Variants in ARNT2 observed in about 807,000 individuals in gnomAD.
The protein encoded by ARNT2 is ARNT protein 2.
ARNT2 carries 36 observed loss-of-function variants against 91.7 expected under a neutral mutation model. That is an observed-to-expected ratio of 0.39 (90% confidence interval 0.30 to 0.52). ARNT2 has a LOEUF of 0.52. Among genes scored for constraint, ARNT2 ranks in the 20% least tolerant of loss-of-function variants. The probability of loss-of-function intolerance (pLI) is 0.72; values close to 1 mark genes in which losing one functional copy is unlikely to be tolerated. For missense variants in ARNT2, 775 were observed against 939.3 expected, an observed-to-expected ratio of 0.83 and a Z score of 2.29; for synonymous variants, 365 against 347.1, an observed-to-expected ratio of 1.05 and a Z score of -0.57.
intron 5 of ARNT2, among the ~76,000 whole-genome samples, chr15:80,489,599 C>G (rs1012094362): frequency 6.6e-6 from 1 of 152,234 alleles, no homozygotes; most frequent in African/African-American, 2.4e-5. Context: ...TTCTACAGCT[C>G]TCTCCATAAT....
At chr15:80,496,727 T>G (rs1897130081) in intron 5 of ARNT2, among the ~76,000 whole-genome samples, 1 of 152,206 alleles carries the variant, frequency 6.6e-6, no homozygotes, top group Non-Finnish European at 1.5e-5. Flanking sequence ...TTGCTTAGGA[T>G]TCCTACTGCC....
rs1016269716 is a variant in ARNT2, at chr15:80,518,311, T to C, written c.877+3906T>C. On this transcript the variant is annotated intron_variant, in intron 8 of 18. Coordinates refer to ENST00000303329, the MANE Select transcript of ARNT2 (RefSeq NM_014862.4). ...TTTTTTTTTTTTTTGAGATGGAGTC[T>C]CGCACTGTCACCAGGCTGGAGTGCA... Among the ~76,000 whole-genome samples, 18 of 132,560 alleles carry C rather than the reference T, an allele frequency of 1.4e-4. No individual in the cohort carries two copies. In the Admixed American group the frequency reaches 1.4e-3, roughly 10 times the overall value. The allele number at this position is 132,560 out of a possible 152,430, so 87.0% of individuals were successfully genotyped here.
At chr15:80,437,045 C>T (rs1048059943) in intron 1 of ARNT2, among the ~76,000 whole-genome samples, 6 of 152,026 alleles carry the variant, frequency 3.9e-5, no homozygotes, top group African/African-American at 1.5e-4. Flanking sequence ...CACAGCTTGT[C>T]CTGGCTGTTT....
chr15:80,550,599 C>A (rs771471418), intron 8 of ARNT2, among the ~76,000 whole-genome samples: 1 of 152,204 alleles, frequency 6.6e-6, no homozygotes, highest in Non-Finnish European at 1.5e-5. Context: ...TGTTTTCTAA[C>A]CCCTGTGAAG....
intron 9 of ARNT2, 81 bp from the exon 10 acceptor site, chr15:80,552,559 G>A (rs1898099488): frequency 1.3e-6 from 2 of 1,514,138 alleles, no homozygotes; most frequent in African/African-American, 1.4e-5. Flanking sequence ...AAATGCACAT[G>A]GATTATTCTT....
chr15:80,485,562 G>A (rs1755771820), intron 5 of ARNT2, among the ~76,000 whole-genome samples: 1 of 152,170 alleles, frequency 6.6e-6, no homozygotes, highest in African/African-American at 2.4e-5. Flanking sequence ...AGGGCAACAA[G>A]AACAAACAAT....
In ARNT2 at chr15:80,560,337, G is replaced by A. The variant is rs74524579; in HGVS notation, c.1165-2751G>A. Among the ~76,000 whole-genome samples the A allele has an allele frequency of 2.0e-5, 3 of 152,264 alleles. No homozygotes were observed. In the East Asian group the frequency reaches 5.8e-4, roughly 29 times the overall value. On this transcript the variant is annotated intron_variant, in intron 11 of 18. Coordinates refer to ENST00000303329, the MANE Select transcript of ARNT2 (RefSeq NM_014862.4). ...TAGGCTTAGGATCATAAGGCTTTAGGCAACATATTCAACTCCTTTGAGGCT... is the reference window on the plus strand; with the variant it reads ...TAGGCTTAGGATCATAAGGCTTTAGACAACATATTCAACTCCTTTGAGGCT...
intron 2 of ARNT2, among the ~76,000 whole-genome samples, chr15:80,453,948 C>T (rs563040367): frequency 6.6e-6 from 1 of 152,288 alleles, no homozygotes; most frequent in African/African-American, 2.4e-5. Context: ...CCCTTCCCAC[C>T]CTAGTGTTCC....
intron 6 of ARNT2, among the ~76,000 whole-genome samples, chr15:80,510,759 A>G (rs947518974): frequency 7.9e-5 from 12 of 151,984 alleles, no homozygotes; most frequent in African/African-American, 2.9e-4. Context: ...AACCTGGGAG[A>G]TGGAAGTTGC....
intron 5 of ARNT2, among the ~76,000 whole-genome samples, chr15:80,489,229 A>G (rs544007518): frequency 6.6e-6 from 1 of 152,386 alleles, no homozygotes; most frequent in Non-Finnish European, 1.5e-5. Context: ...TTTCCCTCTG[A>G]AATGTCATGA....
At chr15:80,450,173 C>T (rs1393346041) in intron 1 of ARNT2, among the ~76,000 whole-genome samples, 3 of 152,180 alleles carry the variant, frequency 2.0e-5, no homozygotes, top group Non-Finnish European at 4.4e-5. Context: ...ATGTCTTGGC[C>T]ACAATGTGCA....
chr15:80,494,433 C>T (rs1342708713), intron 5 of ARNT2, among the ~76,000 whole-genome samples: 1 of 152,112 alleles, frequency 6.6e-6, no homozygotes. Flanking sequence ...AATCATTTAC[C>T]GTTAAAATTA....
chr15:80,576,885 C>G lies in ARNT2; in HGVS notation c.1533C>G (p.Ser511Arg). The G allele has an allele frequency of 6.2e-7, 1 of 1,614,120 alleles. No individual in the cohort carries two copies. Among genetic ancestry groups the G allele is most frequent in the South Asian group, 1.1e-5 (1 of 91,088 alleles). ...GISASEKKMM[S>R]SASAAGTQQI... is the part of the protein sequence containing the mutation. Reference sequence around the variant, plus strand: ...TCCTAGCGGAGAAGAAGATGATGAGCTCAGCCTCTGCAGCAGGAACCCAGC... The same window carrying G: ...TCCTAGCGGAGAAGAAGATGATGAGGTCAGCCTCTGCAGCAGGAACCCAGC... The change falls in exon 15 of 19, where the codon AGC becomes AGG. Residue 511 changes from serine to arginine, a missense_variant. By Grantham distance (110) the Ser-to-Arg change is moderately radical. Around this residue, in one of 5 missense-constraint regions of ARNT2, gnomAD observed 325 missense variants for 359.9 expected, o/e 0.90. Transcript: ENST00000303329.
At chr15:80,508,075 G>A in intron 5 of ARNT2, 81 bp from the exon 6 acceptor site, 2 of 1,358,558 alleles carry the variant, frequency 1.5e-6, no homozygotes, top group Non-Finnish European at 2.1e-6. Flanking sequence ...AGAGCATTTG[G>A]AGAAAGCACT....
At chr15:80,469,482 G>A (rs971448043) in intron 3 of ARNT2, among the ~76,000 whole-genome samples, 3 of 150,940 alleles carry the variant, frequency 2.0e-5, no homozygotes, top group African/African-American at 4.9e-5. Flanking sequence ...CTTACTGCAA[G>A]ATATAATATG....
Position 80,470,389 on chromosome 15 carries a change from G to C in ARNT2, c.366G>C (p.Lys122Asn). ...HMKSMRGTGN[K>N]STDGAYKPSF... is the part of the protein sequence containing the mutation. ...AGTCCATGAGGGGTACAGGGAACAA[G>C]TCCACCGATGGCGCGTACAAGCCTT... Residue 122 changes from lysine to asparagine, a missense_variant, in exon 4 of 19, where the codon AAG becomes AAC. Around this residue, in one of 5 missense-constraint regions of ARNT2, gnomAD observed 83 missense variants for 149.4 expected, o/e 0.56. Transcript: ENST00000303329. The C allele has an allele frequency of 6.2e-7, 1 of 1,614,204 alleles. No individual in the cohort carries two copies. Among genetic ancestry groups the C allele is most frequent in the Non-Finnish European group, 8.5e-7 (1 of 1,180,038 alleles).
chr15:80,585,163 G>A (rs1898872476), intron 17 of ARNT2, among the ~76,000 whole-genome samples: 1 of 152,184 alleles, frequency 6.6e-6, no homozygotes, highest in Admixed American at 6.5e-5. Flanking sequence ...CTTTACTGCT[G>A]TCATAATTGT....
chr15:80,502,150 A>T (rs549691766), intron 5 of ARNT2, among the ~76,000 whole-genome samples: 1 of 152,318 alleles, frequency 6.6e-6, no homozygotes, highest in South Asian at 2.1e-4. Flanking sequence ...CTGACATTAG[A>T]TTCTCCCTGA....
chr15:80,580,575 C>T (rs1898775919), intron 16 of ARNT2, 26 bp downstream of exon 16: 2 of 1,613,032 alleles, frequency 1.2e-6, no homozygotes, highest in South Asian at 2.2e-5. Flanking sequence ...AGGGCATCTC[C>T]CCTGGGTGAC....
Sources: gnomAD v4.1 joint callset for allele counts (sites outside exome capture counted in the v4.1 genomes callset) on GRCh38, gnomAD v4.1.1 for gene constraint, gnomAD v4.1.1 regional missense constraint, MANE v1.5 for transcripts, NCBI Gene and HGNC (gene_info 2026-07-23, HGNC 2026-07-21) for gene names.